Variants in RGS12 observed in about 807,000 individuals in gnomAD.
RGS12 encodes regulator of G-protein signaling 12.
RGS12 carries 66 observed loss-of-function variants against 120.1 expected under a neutral mutation model. The ratio of observed to expected loss-of-function variants is 0.55; its 90% CI spans 0.45 to 0.67. The LOEUF (loss-of-function observed/expected upper bound fraction) is 0.67. RGS12 is among the 30% of genes least tolerant of loss of function. The pLI is 0.00. For missense variants in RGS12, 1,859 were observed against 1,957.7 expected, an observed-to-expected ratio of 0.95 and a Z score of 0.95; for synonymous variants, 827 against 804.7, an observed-to-expected ratio of 1.03 and a Z score of -0.47.
At chr4:3,320,439 G>A (rs1725101549) in intron 2 of RGS12, among the ~76,000 whole-genome samples, 1 of 152,186 alleles carries the variant, frequency 6.6e-6, no homozygotes, top group Non-Finnish European at 1.5e-5. Context: ...GCTTTGCAGA[G>A]TGCATCCTTA....
chr4:3,333,176 C>T (rs751190583), intron 2 of RGS12, among the ~76,000 whole-genome samples: 1 of 152,012 alleles, frequency 6.6e-6, no homozygotes, highest in African/African-American at 2.4e-5. Context: ...CAGCCTCCCG[C>T]GTAGCTGGGA....
intron 9 of RGS12, chr4:3,418,456 C>T (rs1473713321): frequency 6.6e-6 from 1 of 152,290 alleles, no homozygotes; most frequent in African/African-American, 2.4e-5. Flanking sequence ...CTGTGGTCTC[C>T]AAGTTTAAAT....
In RGS12 at chr4:3,303,331, C is replaced by T. The variant is rs572302404; in HGVS notation, c.-102+10232C>T. Among the ~76,000 whole-genome samples, 7 of 152,288 alleles carry T rather than the reference C, an allele frequency of 4.6e-5. 1 individual carries two copies. In the South Asian group the frequency reaches 1.2e-3, roughly 27 times the overall value. ...GTGAGCCTCGGTACGGCGACCTAGG[C>T]AGGGAGGATGTGGGAGGGCCTCCGA... On this transcript the variant is annotated intron_variant, in intron 1 of 17. Coordinates refer to ENST00000336727, the MANE Select transcript of RGS12 (RefSeq NM_001394154.1).
At chr4:3,336,801 A>T (rs1164982674) in intron 2 of RGS12, among the ~76,000 whole-genome samples, 3 of 152,342 alleles carry the variant, frequency 2.0e-5, no homozygotes, top group African/African-American at 7.2e-5. Flanking sequence ...GGGAGAAAAC[A>T]TTTGCAAGCC....
intron 3 of RGS12, among the ~76,000 whole-genome samples, chr4:3,358,231 GT>G (rs201173198): frequency 1.3e-5 from 2 of 151,128 alleles, no homozygotes; most frequent in Non-Finnish European, 1.5e-5. Context: ...GCTCTAGTAG[GT>G]TTTTTTTTGG....
At chr4:3,352,232 T>C (rs765250372) in intron 3 of RGS12, among the ~76,000 whole-genome samples, 8 of 152,126 alleles carry the variant, frequency 5.3e-5, no homozygotes, top group Non-Finnish European at 1.2e-4. Context: ...CAAGGTCCTT[T>C]ATTAAGGTCC....
intron 3 of RGS12, among the ~76,000 whole-genome samples, chr4:3,384,298 G>T (rs1041848685): frequency 3.3e-5 from 5 of 151,764 alleles, no homozygotes; most frequent in African/African-American, 1.2e-4. Flanking sequence ...GGGATTATAG[G>T]CATCTGCTTC....
chr4:3,362,729 G>A lies in RGS12; in HGVS notation c.1998+19676G>A, dbSNP rs111974385. ...TGAGGCTGTGTGAGGGTGAGGGTGC[G>A]AGGATGTCTGTGTGAGGGTGTGTGT... On this transcript the variant is annotated intron_variant, in intron 3 of 17. Coordinates refer to ENST00000336727, the MANE Select transcript of RGS12 (RefSeq NM_001394154.1). 1.2e-3 allele frequency among the ~76,000 whole-genome samples: 164 copies of A among 141,632 alleles called. 1 individual carries two copies. Among genetic ancestry groups the A allele is most frequent in the Non-Finnish European group, 2.0e-3 (128 of 65,086 alleles). 92.9% of individuals were successfully genotyped at this position (141,632 alleles called of 152,430 possible). A position where few individuals can be genotyped will look rare whatever the true frequency, so the allele number is the denominator to read the frequency against.
chr4:3,357,820 T>G (rs1055297981), intron 3 of RGS12, among the ~76,000 whole-genome samples: 1 of 152,168 alleles, frequency 6.6e-6, no homozygotes, highest in Admixed American at 6.5e-5. Flanking sequence ...TTTTCAAGAT[T>G]GTTTGGGCTA....
In RGS12 at chr4:3,293,212, C is replaced by A. The variant is rs961635660; in HGVS notation, c.-102+113C>A. On this transcript the variant is annotated intron_variant, in intron 1 of 17. Coordinates refer to ENST00000336727, the MANE Select transcript of RGS12 (RefSeq NM_001394154.1). ...CCGCCTCCCGGCCGATCCCGGCCAG[C>A]CCTGCGCGGCGCCCGTCCCCTCGGG... The A allele has an allele frequency of 2.9e-4, 42 of 146,446 alleles. 1 individual carries two copies. Among genetic ancestry groups the A allele is most frequent in the African/African-American group, 1.0e-3 (41 of 40,926 alleles). The allele number at this position is 146,446 out of a possible 1,614,324, so 9.1% of individuals were successfully genotyped here.
rs752043979 is a variant in RGS12 at position 3,316,631 on chromosome 4, C to T, written c.461C>T (p.Pro154Leu). The change falls in exon 2 of 18, where the codon CCG (proline) becomes CTG (leucine). Residue 154 changes from proline to leucine, a missense_variant. Physicochemically the swap from Pro to Leu is moderately conservative, Grantham distance 98 (BLOSUM62 -3). Coordinates refer to ENST00000336727, the MANE Select transcript of RGS12 (RefSeq NM_001394154.1). ...GGIFNMIFEN[P>L]SLCASNSEPL... ...ATTTTCAATATGATTTTTGAAAACCCGAGCCTTTGTGCGAGCAATTCAGAG... is the reference window on the plus strand; with the variant it reads ...ATTTTCAATATGATTTTTGAAAACCTGAGCCTTTGTGCGAGCAATTCAGAG... 8 of 1,613,926 alleles carry T rather than the reference C, an allele frequency of 5.0e-6. No homozygotes were observed. The highest frequency in any genetic ancestry group is 2.2e-5 in the East Asian group (1 of 44,894).
intron 1 of RGS12, among the ~76,000 whole-genome samples, chr4:3,306,918 T>A (rs763640533): frequency 6.6e-6 from 1 of 152,140 alleles, no homozygotes; most frequent in Non-Finnish European, 1.5e-5. Context: ...GACGGTGGAT[T>A]CCAGGTGCTT....
chr4:3,343,286 G>C (rs764152263), intron 3 of RGS12: 21 of 470,626 alleles, frequency 4.5e-5, no homozygotes, highest in Non-Finnish European at 8.1e-5. Flanking sequence ...CTGTGTGCCA[G>C]ACTCCAGTGA....
At chr4:3,295,728 A>G (rs959297455) in intron 1 of RGS12, among the ~76,000 whole-genome samples, 2 of 152,104 alleles carry the variant, frequency 1.3e-5, no homozygotes, top group African/African-American at 4.8e-5. Flanking sequence ...AACAACAAAA[A>G]GCAGGCTGAA....
intron 3 of RGS12, among the ~76,000 whole-genome samples, chr4:3,363,887 T>G: frequency 2.1e-5 from 3 of 146,136 alleles, no homozygotes; most frequent in Non-Finnish European, 4.5e-5. Context: ...ACTTGAGGAG[T>G]GGGCGGGGGA....
rs757795434 is a variant in RGS12 at position 3,414,086 on chromosome 4, G to T, written c.2035G>T (p.Asp679Tyr). The T allele has an allele frequency of 1.3e-6, 2 of 1,565,838 alleles. No homozygotes were observed. The highest frequency in any genetic ancestry group is 2.3e-5 in the East Asian group (1 of 43,490). ...TGGTCCCGCAGAGTTGACGGGCGCC[G>T]ACCTGAAGGACTGCGTCAGCAACAA... ...TVSDGELTGA[D>Y]LKDCVSNNSL... Residue 679 changes from aspartate (D) to tyrosine (Y), a missense_variant, in exon 5 of 18, where the codon GAC becomes TAC. Asp to Tyr is a radical substitution (Grantham distance 160). This residue lies in a region of RGS12 where 967 missense variants were observed against 994.2 expected (regional missense o/e 0.97). Coordinates refer to ENST00000336727, the MANE Select transcript of RGS12 (RefSeq NM_001394154.1).
chr4:3,432,303 G>A (rs1027547897), intron 17 of RGS12: 5 of 517,406 alleles, frequency 9.7e-6, no homozygotes, highest in Admixed American at 6.4e-5. Context: ...GTAATCTACT[G>A]GCTTTTAAAA....
At chr4:3,343,195 G>A (rs905688334) in intron 3 of RGS12, 142 bp downstream of exon 3, 15 of 618,296 alleles carry the variant, frequency 2.4e-5, no homozygotes, top group Non-Finnish European at 3.7e-5. Context: ...GTTTTCTGGG[G>A]GACAGCGTCC....
intron 1 of RGS12, among the ~76,000 whole-genome samples, chr4:3,306,230 C>CA: frequency 6.6e-6 from 1 of 152,384 alleles, no homozygotes; most frequent in East Asian, 1.9e-4. Context: ...GTCACATGCA[C>CA]AGCAGGCTTG....
Sources: allele counts gnomAD v4.1 joint callset (sites outside exome capture counted in the v4.1 genomes callset), GRCh38; gene constraint gnomAD v4.1.1; regional missense constraint gnomAD v4.1.1; transcripts MANE v1.5; gene names NCBI Gene and HGNC (gene_info 2026-07-23, HGNC 2026-07-21).